ITGA9: variants seen among roughly 807,000 people sequenced by gnomAD.
The protein encoded by ITGA9 is integrin subunit alpha 9, also known as integrin alpha-9.
In ITGA9, 56 loss-of-function variants were observed where a neutral mutation model predicts 127.8. The observed-to-expected ratio is 0.44, with a 90% CI of 0.35 to 0.55. The LOEUF is 0.55. Among genes scored for constraint, ITGA9 ranks in the 20% least tolerant of loss-of-function variants. The pLI is 0.00. For synonymous variants in ITGA9, 508 were observed against 514.5 expected (o/e 0.99, Z 0.17); for missense variants, 1,196 against 1,347.1 (o/e 0.89, Z 1.76).
chr3:37,651,856 A>C (rs1700432307), intron 16 of ITGA9, among the ~76,000 whole-genome samples: 1 of 152,202 alleles, frequency 6.6e-6, no homozygotes. Context: ...TGAGAAAGCC[A>C]GGGTGACAGA....
rs148688553 is a variant in ITGA9 at position 37,753,351 on chromosome 3, C to T, written c.2541+2782C>T. ...GATACATAAAATGCCATTGTAATAC[C>T]GTATAACAAATGCAATAATGGAGGC... On this transcript the variant is annotated intron_variant, in intron 23 of 27. Coordinates refer to ENST00000264741, the MANE Select transcript of ITGA9 (RefSeq NM_002207.3). Among the ~76,000 whole-genome samples, 14 of 152,276 alleles carry T rather than the reference C, an allele frequency of 9.2e-5. No individual in the cohort carries two copies. The East Asian group carries it at 2.5e-3, about 27-fold the overall frequency.
chr3:37,751,931 G>A (rs968783150), intron 23 of ITGA9, among the ~76,000 whole-genome samples: 7 of 152,202 alleles, frequency 4.6e-5, no homozygotes, highest in African/African-American at 7.2e-5. Context: ...CATCTTCATC[G>A]TATGGAAAAG....
intron 15 of ITGA9, among the ~76,000 whole-genome samples, chr3:37,594,437 C>A (rs1157901465): frequency 6.6e-6 from 1 of 152,146 alleles, no homozygotes; most frequent in Non-Finnish European, 1.5e-5. Context: ...ACAGTAAGGA[C>A]TAATATTTGA....
intron 3 of ITGA9, among the ~76,000 whole-genome samples, chr3:37,475,788 G>A (rs186447087): frequency 1.3e-5 from 2 of 152,324 alleles, no homozygotes; most frequent in East Asian, 1.9e-4. Context: ...AGTGGTAAAT[G>A]TATGGCACAT....
chr3:37,757,809 G>C lies in ITGA9; in HGVS notation c.2541+7240G>C, dbSNP rs188969472. Among the ~76,000 whole-genome samples, 74 of 151,776 alleles carry C rather than the reference G, an allele frequency of 4.9e-4. 1 individual carries two copies. Among genetic ancestry groups the C allele is most frequent in the African/African-American group, 1.6e-3 (67 of 41,144 alleles). On this transcript the variant is annotated intron_variant, in intron 23 of 27. Coordinates refer to ENST00000264741, the MANE Select transcript of ITGA9 (RefSeq NM_002207.3). ...TATCTTAAAAAAAATCACCGACCCAGATAGCTATATAGGCAGATTCTAGTA... is the reference window on the plus strand; with the variant it reads ...TATCTTAAAAAAAATCACCGACCCACATAGCTATATAGGCAGATTCTAGTA...
Position 37,653,664 on chromosome 3 carries a change from C to G in ITGA9, c.1840-50C>G, listed in dbSNP as rs370403834. 4 of 1,315,504 alleles carry G rather than the reference C, an allele frequency of 3.0e-6. No homozygotes were observed. In the Admixed American group the frequency reaches 5.0e-5, roughly 17 times the overall value. 81.5% of individuals were successfully genotyped at this position (1,315,504 alleles called of 1,614,324 possible). ...AGAAAGGAATTGGCCACTGTGTACT[C>G]GTTTGCCACTCAATCCTGCCCTAAC... On this transcript the variant is annotated intron_variant, in intron 16 of 27. Coordinates refer to ENST00000264741, the MANE Select transcript of ITGA9 (RefSeq NM_002207.3).
chr3:37,488,319 G>A (rs534383621), intron 4 of ITGA9, among the ~76,000 whole-genome samples: 1 of 151,882 alleles, frequency 6.6e-6, no homozygotes, highest in African/African-American at 2.4e-5. Flanking sequence ...CCATGTTCAG[G>A]GTCACTTTTT....
chr3:37,617,937 C>T (rs983600142), intron 15 of ITGA9, among the ~76,000 whole-genome samples: 9 of 152,174 alleles, frequency 5.9e-5, no homozygotes, highest in African/African-American at 1.4e-4. Flanking sequence ...GTAGTTTGAT[C>T]GTCTGAAGCC....
At chr3:37,771,058 GC>G (rs1696836232) in intron 23 of ITGA9, among the ~76,000 whole-genome samples, 2 of 152,128 alleles carry the variant, frequency 1.3e-5, no homozygotes, top group Admixed American at 6.5e-5. Flanking sequence ...AATTCTAATA[GC>G]CATGGACCTC....
chr3:37,703,812 A>G lies in ITGA9; in HGVS notation c.2067+19797A>G, dbSNP rs192520052. Among the ~76,000 whole-genome samples, 385 of 152,310 alleles carry G rather than the reference A, an allele frequency of 2.5e-3. 1 individual carries two copies. Among genetic ancestry groups the G allele is most frequent in the Non-Finnish European group, 4.3e-3 (291 of 68,030 alleles). On this transcript the variant is annotated intron_variant, in intron 18 of 27. Transcript: ENST00000264741. ...ATTAACGTGTTTAACCCTCACAGCA[A>G]CCCAGTGAGGTATGTGCAGTTACCA...
intron 21 of ITGA9, among the ~76,000 whole-genome samples, chr3:37,743,027 G>A (rs959546974): frequency 6.6e-6 from 1 of 152,158 alleles, no homozygotes; most frequent in East Asian, 1.9e-4. Flanking sequence ...ACTTGATCAT[G>A]TAATCAGTCC....
chr3:37,644,616 G>A (rs1288000413), intron 16 of ITGA9, among the ~76,000 whole-genome samples: 1 of 152,076 alleles, frequency 6.6e-6, no homozygotes. Flanking sequence ...TGGGCAGAGG[G>A]GATAATTCTG....
chr3:37,512,429 A>G (rs1164172637), intron 8 of ITGA9, among the ~76,000 whole-genome samples: 1 of 151,610 alleles, frequency 6.6e-6, no homozygotes, highest in Non-Finnish European at 1.5e-5. Context: ...CATGTTGGCC[A>G]GGCTGGTCTC....
intron 2 of ITGA9, 84 bp downstream of exon 2, chr3:37,471,218 T>G: frequency 6.8e-7 from 1 of 1,472,822 alleles, no homozygotes; most frequent in South Asian, 1.1e-5. Flanking sequence ...GCCTGATCAT[T>G]CACTCACCCA....
intron 5 of ITGA9, among the ~76,000 whole-genome samples, chr3:37,497,119 C>T (rs1284506326): frequency 2.6e-5 from 4 of 152,012 alleles, no homozygotes; most frequent in African/African-American, 9.7e-5. Context: ...CTGGAAGTTG[C>T]CTGTTTATGT....
chr3:37,738,292 A>C (rs1696389814), intron 20 of ITGA9, among the ~76,000 whole-genome samples: 1 of 152,180 alleles, frequency 6.6e-6, no homozygotes, highest in African/African-American at 2.4e-5. Flanking sequence ...TAAACAGAGG[A>C]GTCTGTTTTC....
At chr3:37,726,212 G>A (rs1187549878) in intron 18 of ITGA9, among the ~76,000 whole-genome samples, 6 of 152,200 alleles carry the variant, frequency 3.9e-5, no homozygotes, top group Non-Finnish European at 7.3e-5. Context: ...CGTGGAAGCC[G>A]CTTTTACCAG....
chr3:37,815,230 G>T (rs1418392468), intron 27 of ITGA9, among the ~76,000 whole-genome samples: 1 of 152,220 alleles, frequency 6.6e-6, no homozygotes, highest in Non-Finnish European at 1.5e-5. Context: ...TTTCCAGATT[G>T]TTAACACACT....
At chr3:37,670,767 T>A (rs1700629981) in intron 17 of ITGA9, among the ~76,000 whole-genome samples, 1 of 152,246 alleles carries the variant, frequency 6.6e-6, no homozygotes, top group East Asian at 1.9e-4. Flanking sequence ...TAGGGCTACC[T>A]CACCTCCCAG....
Sources: allele counts gnomAD v4.1 joint callset (sites outside exome capture counted in the v4.1 genomes callset), GRCh38; gene constraint gnomAD v4.1.1; transcripts MANE v1.5; gene names NCBI Gene and HGNC (gene_info 2026-07-23, HGNC 2026-07-21).